UNC5C: variants seen among roughly 807,000 people sequenced by gnomAD.
UNC5C encodes unc-5 netrin receptor C, also known as netrin receptor UNC5C.
Under a neutral mutation model 99.8 loss-of-function variants are expected in UNC5C, and 47 were observed. The observed-to-expected ratio is 0.47, with a 90% CI of 0.37 to 0.60. The LOEUF (loss-of-function observed/expected upper bound fraction) is 0.60, where lower values mean the gene tolerates loss of function less well. UNC5C is among the 20% of genes least tolerant of loss of function. The pLI is 0.00. For synonymous variants in UNC5C, 487 were observed against 452.2 expected, an observed-to-expected ratio of 1.08 and a Z score of -0.98; for missense variants, 1,062 against 1,165.9, an observed-to-expected ratio of 0.91 and a Z score of 1.30.
At chr4:95,280,462 G>A (rs1741016531) in intron 3 of UNC5C, among the ~76,000 whole-genome samples, 1 of 152,154 alleles carries the variant, frequency 6.6e-6, no homozygotes, top group Non-Finnish European at 1.5e-5. Context: ...GCCAAGGCAG[G>A]TGAATCACCT....
chr4:95,382,858 G>A (rs1745109759), intron 1 of UNC5C, among the ~76,000 whole-genome samples: 1 of 152,116 alleles, frequency 6.6e-6, no homozygotes, highest in African/African-American at 2.4e-5. Context: ...GCTGTCAAAT[G>A]CTCCATTGTC....
intron 3 of UNC5C, among the ~76,000 whole-genome samples, chr4:95,279,428 A>G (rs6532543): frequency 0.64 from 97,510 of 152,086 alleles, 31,787 homozygotes; most frequent in East Asian, 0.84. Flanking sequence ...TTTTAAACAC[A>G]TCAGAGGCAC....
At chr4:95,382,663 A>G (rs927837347) in intron 1 of UNC5C, among the ~76,000 whole-genome samples, 1 of 152,164 alleles carries the variant, frequency 6.6e-6, no homozygotes, top group Non-Finnish European at 1.5e-5. Context: ...TAAGGACAGT[A>G]TAGAGTCCTC....
At chr4:95,316,643 C>A (rs1742487333) in intron 2 of UNC5C, among the ~76,000 whole-genome samples, 1 of 152,072 alleles carries the variant, frequency 6.6e-6, no homozygotes, top group Non-Finnish European at 1.5e-5. Flanking sequence ...AGAATAGAAC[C>A]ACTGCTTTCT....
intron 5 of UNC5C, among the ~76,000 whole-genome samples, chr4:95,246,065 A>G (rs573096476): frequency 6.6e-6 from 1 of 152,330 alleles, no homozygotes; most frequent in African/African-American, 2.4e-5. Flanking sequence ...TTTTCTAGAA[A>G]CCTATACAAT....
intron 1 of UNC5C, among the ~76,000 whole-genome samples, chr4:95,445,334 C>CTTT (rs11458322): frequency 6.7e-5 from 10 of 149,786 alleles, no homozygotes; most frequent in Admixed American, 2.7e-4. Context: ...AGAAATGAAT[C>CTTT]TTTTTTTTTT....
intron 3 of UNC5C, among the ~76,000 whole-genome samples, chr4:95,285,903 G>A (rs962413782): frequency 2.0e-5 from 3 of 152,122 alleles, no homozygotes; most frequent in Non-Finnish European, 4.4e-5. Context: ...CTAACACTGT[G>A]GCTGAGAACA....
intron 4 of UNC5C, among the ~76,000 whole-genome samples, chr4:95,269,191 A>C (rs1740565376): frequency 6.6e-6 from 1 of 152,214 alleles, no homozygotes; most frequent in Non-Finnish European, 1.5e-5. Flanking sequence ...TTAAATCAGA[A>C]TCTCTGGGTG....
intron 12 of UNC5C, among the ~76,000 whole-genome samples, chr4:95,200,797 C>T (rs1474547405): frequency 6.6e-6 from 1 of 152,134 alleles, no homozygotes; most frequent in Non-Finnish European, 1.5e-5. Context: ...CCTTGGGCAT[C>T]TTTTATACCT....
intron 3 of UNC5C, among the ~76,000 whole-genome samples, chr4:95,289,507 T>A (rs1043399774): frequency 6.6e-6 from 1 of 152,208 alleles, no homozygotes; most frequent in Non-Finnish European, 1.5e-5. Context: ...TCAGGTGCTT[T>A]TCAGTTAATT....
chr4:95,220,562 C>T (rs1022282943), intron 7 of UNC5C, among the ~76,000 whole-genome samples: 1 of 152,148 alleles, frequency 6.6e-6, no homozygotes, highest in East Asian at 1.9e-4. Flanking sequence ...TAAACATAAA[C>T]ACTGTTAGAA....
intron 1 of UNC5C, among the ~76,000 whole-genome samples, chr4:95,418,292 G>T (rs1746226127): frequency 6.6e-6 from 1 of 152,116 alleles, no homozygotes; most frequent in Non-Finnish European, 1.5e-5. Context: ...TGTGATTATT[G>T]TTCTCTTTCA....
intron 1 of UNC5C, among the ~76,000 whole-genome samples, chr4:95,398,342 A>G (rs1560818927): frequency 6.6e-6 from 1 of 152,114 alleles, no homozygotes; most frequent in Non-Finnish European, 1.5e-5. Context: ...TCCTGACCCC[A>G]GTGCTCCCCA....
chr4:95,465,028 G>A (rs976050177), intron 1 of UNC5C, among the ~76,000 whole-genome samples: 6 of 152,164 alleles, frequency 3.9e-5, no homozygotes, highest in African/African-American at 7.2e-5. Context: ...CAGGCTGAAC[G>A]TGTGTCCCCA....
intron 7 of UNC5C, among the ~76,000 whole-genome samples, chr4:95,229,807 T>A: frequency 7.9e-6 from 1 of 126,610 alleles, no homozygotes; most frequent in East Asian, 2.1e-4. Context: ...CTTTTTTTTT[T>A]TTTTTTTTTT....
At chr4:95,538,387 C>T (rs1297801245) in intron 1 of UNC5C, among the ~76,000 whole-genome samples, 1 of 152,148 alleles carries the variant, frequency 6.6e-6, no homozygotes, top group Non-Finnish European at 1.5e-5. Context: ...ACATTCCTTT[C>T]CCTAATTTAG....
chr4:95,324,315 G>A (rs1263168930), intron 2 of UNC5C, among the ~76,000 whole-genome samples: 1 of 152,128 alleles, frequency 6.6e-6, no homozygotes, highest in Admixed American at 6.5e-5. Context: ...AGAATCTAAT[G>A]CCTGATGATC....
intron 1 of UNC5C, among the ~76,000 whole-genome samples, chr4:95,480,769 C>G (rs1474411760): frequency 6.6e-6 from 1 of 152,032 alleles, no homozygotes; most frequent in African/African-American, 2.4e-5. Context: ...ACATGATTAT[C>G]TCAATAGATG....
intron 14 of UNC5C, among the ~76,000 whole-genome samples, chr4:95,181,778 A>G (rs1368300666): frequency 1.3e-5 from 2 of 152,156 alleles, no homozygotes; most frequent in Non-Finnish European, 2.9e-5. Flanking sequence ...GGAAAGAAAG[A>G]AGGATGGAGT....
Sources: gnomAD v4.1 joint callset for allele counts (sites outside exome capture counted in the v4.1 genomes callset) on GRCh38, gnomAD v4.1.1 for gene constraint, MANE v1.5 for transcripts, NCBI Gene and HGNC (gene_info 2026-07-23, HGNC 2026-07-21) for gene names.